The following KIF21A variants were observed in gnomAD, a reference collection of about 807,000 sequenced individuals.
KIF21A encodes the protein kinesin-like protein KIF21A.
In KIF21A, 114 loss-of-function variants were observed where a neutral mutation model predicts 202.9. That is an observed-to-expected ratio of 0.56 (90% CI 0.48 to 0.66). The LOEUF (loss-of-function observed/expected upper bound fraction) is 0.66, where lower values mean the gene tolerates loss of function less well. Ranked by LOEUF, KIF21A falls within the 30% of genes least tolerant of loss-of-function variation. The probability of loss-of-function intolerance (pLI) is 0.00; values close to 1 mark genes in which losing one functional copy is unlikely to be tolerated. For synonymous variants in KIF21A, 667 were observed against 670.8 expected, an observed-to-expected ratio of 0.99 and a Z score of 0.09; for missense variants, 1,677 against 1,994.9, an observed-to-expected ratio of 0.84 and a Z score of 3.04.
At chr12:39,398,382 T>C (rs1425223553) in intron 1 of KIF21A, among the ~76,000 whole-genome samples, 1 of 152,168 alleles carries the variant, frequency 6.6e-6, no homozygotes, top group Admixed American at 6.5e-5. Flanking sequence ...AGAGGATCAC[T>C]TGAGCTCAGG....
chr12:39,375,729 A>G (rs144693672), intron 1 of KIF21A, among the ~76,000 whole-genome samples: 1 of 152,238 alleles, frequency 6.6e-6, no homozygotes, highest in Non-Finnish European at 1.5e-5. Context: ...GTCACTATTT[A>G]TGATACAGTA....
intron 10 of KIF21A, 188 bp downstream of exon 10, chr12:39,356,644 G>A (rs1340104188): frequency 2.2e-6 from 1 of 460,710 alleles, no homozygotes. Flanking sequence ...AGAGAAAGGA[G>A]GAAAACAGCT....
At chr12:39,359,552 T>C (rs1222043898) in intron 7 of KIF21A, among the ~76,000 whole-genome samples, 1 of 152,212 alleles carries the variant, frequency 6.6e-6, no homozygotes, top group African/African-American at 2.4e-5. Flanking sequence ...TAATATTTAC[T>C]GGGGGTCAGA....
At chr12:39,325,236 TTTAG>T (rs1407673231) in intron 26 of KIF21A, among the ~76,000 whole-genome samples, 2 of 152,124 alleles carry the variant, frequency 1.3e-5, no homozygotes, top group Admixed American at 1.3e-4. Context: ...GAGTCTACAA[TTTAG>T]TTAATCAGCA....
intron 6 of KIF21A, among the ~76,000 whole-genome samples, chr12:39,364,345 C>T (rs1453119139): frequency 6.6e-6 from 1 of 152,142 alleles, no homozygotes; most frequent in Non-Finnish European, 1.5e-5. Context: ...TCTCAACATG[C>T]TTCAAGAGCC....
intron 1 of KIF21A, among the ~76,000 whole-genome samples, chr12:39,413,595 A>G (rs1953290713): frequency 6.6e-6 from 1 of 152,210 alleles, no homozygotes; most frequent in African/African-American, 2.4e-5. Context: ...ACTGTGAAAT[A>G]GGAACTAAAA....
intron 34 of KIF21A, among the ~76,000 whole-genome samples, chr12:39,305,568 C>T (rs886517788): frequency 7.9e-5 from 12 of 151,922 alleles, no homozygotes; most frequent in Admixed American, 5.9e-4. Flanking sequence ...TCCACATCTA[C>T]GAAACTCTAT....
At chr12:39,371,225 G>A (rs1430242268) in intron 1 of KIF21A, among the ~76,000 whole-genome samples, 1 of 152,100 alleles carries the variant, frequency 6.6e-6, no homozygotes, top group Non-Finnish European at 1.5e-5. Flanking sequence ...ATGGAGAGTT[G>A]ACTGTGTATA....
intron 31 of KIF21A, 85 bp from the exon 32 acceptor site, chr12:39,311,638 T>C (rs904536187): frequency 7.2e-7 from 1 of 1,386,958 alleles, no homozygotes; most frequent in Admixed American, 1.8e-5. Flanking sequence ...TTTTTTCCCC[T>C]AACTTTAAGA....
intron 12 of KIF21A, among the ~76,000 whole-genome samples, chr12:39,345,093 C>T (rs530446879): frequency 4.6e-5 from 7 of 152,260 alleles, no homozygotes; most frequent in Admixed American, 3.9e-4. Context: ...TGCATTTTAT[C>T]AAAATCCCTA....
intron 12 of KIF21A, among the ~76,000 whole-genome samples, chr12:39,345,450 T>C (rs1004859472): frequency 2.0e-5 from 3 of 151,908 alleles, no homozygotes; most frequent in African/African-American, 2.4e-5. Flanking sequence ...TATGGGCTTA[T>C]GGCATGTAAG....
At chr12:39,421,298 A>G (rs981239368) in intron 1 of KIF21A, among the ~76,000 whole-genome samples, 2 of 152,202 alleles carry the variant, frequency 1.3e-5, no homozygotes, top group African/African-American at 4.8e-5. Flanking sequence ...TATTATGTTC[A>G]CACAACCGCA....
intron 1 of KIF21A, among the ~76,000 whole-genome samples, chr12:39,373,756 A>G (rs1311354336): frequency 1.3e-5 from 2 of 152,190 alleles, no homozygotes; most frequent in African/African-American, 4.8e-5. Context: ...CCAATTTTAG[A>G]TGCTAATGTC....
intron 1 of KIF21A, among the ~76,000 whole-genome samples, chr12:39,400,310 C>T (rs775566281): frequency 3.9e-5 from 6 of 152,118 alleles, no homozygotes; most frequent in Non-Finnish European, 7.4e-5. Context: ...TTCCGGGGTA[C>T]ATGTGCAGGA....
chr12:39,304,059 T>G (rs528258147), intron 35 of KIF21A, among the ~76,000 whole-genome samples: 231 of 152,266 alleles, frequency 1.5e-3, no homozygotes, highest in Non-Finnish European at 2.7e-3. Context: ...TCCTCACTCA[T>G]TCCCTCTCCA....
chr12:39,437,753 G>A lies in KIF21A; in HGVS notation c.44+5174C>T, dbSNP rs77219580. 4.6e-3 allele frequency among the ~76,000 whole-genome samples: 697 copies of A among 152,272 alleles called. 6 individuals are homozygous for A. The highest frequency in any genetic ancestry group is 0.016 in the African/African-American group (654 of 41,556). Reference sequence around the variant, plus strand: ...TGAAAGCAAGGACAACATACGTCACGTGTGTTGTGGTAGGAAAGTGTCTGG... The same window carrying A: ...TGAAAGCAAGGACAACATACGTCACATGTGTTGTGGTAGGAAAGTGTCTGG... On this transcript the variant is annotated intron_variant, in intron 1 of 37. Transcript: ENST00000361418.
chr12:39,297,562 G>C (rs1213790146), intron 37 of KIF21A, among the ~76,000 whole-genome samples: 1 of 118,802 alleles, frequency 8.4e-6, no homozygotes, highest in African/African-American at 3.2e-5. Context: ...ACAGGAAGGG[G>C]AACATCACAC....
At chr12:39,353,800 C>A (rs1409528070) in intron 10 of KIF21A, among the ~76,000 whole-genome samples, 1 of 152,120 alleles carries the variant, frequency 6.6e-6, no homozygotes, top group Non-Finnish European at 1.5e-5. Context: ...TCCACAAACT[C>A]CACATTAACA....
At chr12:39,341,369 T>G (rs1947429045) in intron 14 of KIF21A, 136 bp downstream of exon 14, 1 of 823,374 alleles carries the variant, frequency 1.2e-6, no homozygotes. Flanking sequence ...CACATAAGCC[T>G]TGGAAGGCAA....
Sources: gnomAD v4.1 joint callset for allele counts (sites outside exome capture counted in the v4.1 genomes callset) on GRCh38, gnomAD v4.1.1 for gene constraint, MANE v1.5 for transcripts, NCBI Gene and HGNC (gene_info 2026-07-23, HGNC 2026-07-21) for gene names.